SIGLECL1: variants seen among roughly 807,000 people sequenced by gnomAD.
SIGLECL1 encodes the protein SIGLEC family like 1.
A neutral mutation model predicts 19.1 loss-of-function variants in SIGLECL1; 16 were observed. The observed-to-expected ratio is 0.84, with a 90% CI of 0.57 to 1.27. The LOEUF (loss-of-function observed/expected upper bound fraction) is 1.27, where lower values mean the gene tolerates loss of function less well. Ranked by LOEUF, SIGLECL1 falls within the 50% of genes most tolerant of loss-of-function variation. The pLI is 0.00. For synonymous variants in SIGLECL1, 89 were observed against 90.4 expected (o/e 0.98, Z 0.09); for missense variants, 210 against 239.4 (o/e 0.88, Z 0.81).
chr19:51,267,634 T>C, intron 5 of SIGLECL1, 105 bp downstream of exon 5: 7 of 1,318,738 alleles, frequency 5.3e-6, no homozygotes, highest in African/African-American at 1.5e-5. Flanking sequence ...TCCTCAGTCT[T>C]GCAGGATACC....
intron 4 of SIGLECL1, 88 bp downstream of exon 4, chr19:51,265,970 C>A (rs1228440806): frequency 1.5e-6 from 2 of 1,314,862 alleles, no homozygotes; most frequent in Non-Finnish European, 2.2e-6. Flanking sequence ...AAAGACAGGA[C>A]CCCTCCCCTC....
intron 1 of SIGLECL1, among the ~76,000 whole-genome samples, chr19:51,263,536 C>G (rs1173624245): frequency 6.6e-5 from 10 of 152,044 alleles, no homozygotes; most frequent in Admixed American, 5.9e-4. Context: ...GTTTGGGAGG[C>G]CAAGGCGGGT....
At chr19:51,254,852 C>G (rs1982708195) in intron 1 of SIGLECL1, among the ~76,000 whole-genome samples, 1 of 152,006 alleles carries the variant, frequency 6.6e-6, no homozygotes, top group Admixed American at 6.6e-5. Context: ...GGTTAGCTAC[C>G]AGTAGACCCA....
At chr19:51,264,846 T>C (rs1339017468) in intron 2 of SIGLECL1, among the ~76,000 whole-genome samples, 1 of 152,150 alleles carries the variant, frequency 6.6e-6, no homozygotes, top group Admixed American at 6.5e-5. Flanking sequence ...ATTGAATGGG[T>C]AATACTTCAC....
intron 5 of SIGLECL1, 96 bp downstream of exon 5, chr19:51,267,625 C>T (rs1983778218): frequency 7.0e-7 from 1 of 1,428,516 alleles, no homozygotes; most frequent in Non-Finnish European, 9.6e-7. Context: ...GTGTTATCAT[C>T]CTCAGTCTTG....
intron 1 of SIGLECL1, among the ~76,000 whole-genome samples, chr19:51,256,983 ATAT>A (rs1337045321): frequency 4.6e-5 from 7 of 152,168 alleles, no homozygotes; most frequent in African/African-American, 1.4e-4. Context: ...ACATATTTAC[ATAT>A]TATATATATA....
In SIGLECL1 at chr19:51,265,866, T is replaced by C. The variant is rs148618426; in HGVS notation, c.394T>C (p.Cys132Arg). The stretch of plus-strand genomic sequence containing the variant: ...AATTGTAATTGCGCTGCTCTTCCTC[T>C]GCCTCCTCCCTCTCATGTGAGTACT... ...AGIVIALLFLCLLPLIVKHIR... is the reference protein window; with the variant it reads ...AGIVIALLFLRLLPLIVKHIR... The change falls in exon 4 of 6, where the codon TGC becomes CGC. Residue 132 changes from cysteine to arginine, a missense_variant. Transcript: ENST00000601727. 1 of 1,614,172 alleles carries C rather than the reference T, an allele frequency of 6.2e-7. No homozygotes were observed. The highest frequency in any genetic ancestry group is 8.5e-7 in the Non-Finnish European group (1 of 1,180,022).
chr19:51,263,044 G>T (rs1983350128), intron 1 of SIGLECL1, among the ~76,000 whole-genome samples: 1 of 152,126 alleles, frequency 6.6e-6, no homozygotes, highest in African/African-American at 2.4e-5. Flanking sequence ...GACTACAGGT[G>T]CGTACCACCA....
chr19:51,247,942 T>C (rs1194506025), upstream of SIGLECL1, among the ~76,000 whole-genome samples: 3 of 152,162 alleles, frequency 2.0e-5, no homozygotes, highest in Non-Finnish European at 4.4e-5. Context: ...TTCTTTGTTT[T>C]CCAAACTTTT....
intron 4 of SIGLECL1, 120 bp from the exon 5 acceptor site, chr19:51,267,253 T>C: frequency 2.4e-6 from 3 of 1,233,908 alleles, no homozygotes; most frequent in Non-Finnish European, 1.1e-6. Flanking sequence ...TTGCCCTAGG[T>C]CATACAGCAA....
chr19:51,256,986 TTATA>T (rs1384341094), intron 1 of SIGLECL1, among the ~76,000 whole-genome samples: 2 of 152,260 alleles, frequency 1.3e-5, no homozygotes, highest in East Asian at 1.9e-4. Flanking sequence ...TATTTACATA[TTATA>T]TATATAAAGC....
chr19:51,262,950 G>C (rs1313307871), intron 1 of SIGLECL1, among the ~76,000 whole-genome samples: 1 of 152,202 alleles, frequency 6.6e-6, no homozygotes, highest in Non-Finnish European at 1.5e-5. Flanking sequence ...CAAAGCTACA[G>C]TGCAGTGGCG....
intron 1 of SIGLECL1, among the ~76,000 whole-genome samples, chr19:51,257,365 CG>C (rs1982882184): frequency 6.6e-6 from 1 of 151,068 alleles, no homozygotes; most frequent in Non-Finnish European, 1.5e-5. Flanking sequence ...GTGAATGCTC[CG>C]TTGCACTCCA....
At position 51,268,622 on chromosome 19, in the gene SIGLECL1, G is replaced by A; in HGVS notation, c.*25G>A. Reference sequence around the variant, plus strand: ...AGCCTGTGGAACATGCCTCATACCTGGAGTCGCCATTATCCCTGGAATTAC... The same window carrying A: ...AGCCTGTGGAACATGCCTCATACCTAGAGTCGCCATTATCCCTGGAATTAC... On this transcript the variant is annotated 3_prime_UTR_variant, in exon 6 of 6. Coordinates refer to ENST00000601727, the MANE Select transcript of SIGLECL1 (RefSeq NM_001385465.1). 6.2e-7 allele frequency: 1 copy of A among 1,610,306 alleles called. No individual in the cohort carries two copies. The highest frequency in any genetic ancestry group is 8.5e-7 in the Non-Finnish European group (1 of 1,178,832).
At chr19:51,251,732 TCA>T in intron 1 of SIGLECL1, among the ~76,000 whole-genome samples, 187 bp downstream of exon 1, 1 of 152,364 alleles carries the variant, frequency 6.6e-6, no homozygotes, top group Middle Eastern at 3.4e-3. Flanking sequence ...CAGTCATTAC[TCA>T]CACAGTTATC....
At position 51,265,882 on chromosome 19, in the gene SIGLECL1, T is replaced by C; in HGVS notation, c.410T>C (p.Ile137Thr). 6.2e-7 allele frequency: 1 copy of C among 1,613,974 alleles called. No individual in the cohort carries two copies. Among genetic ancestry groups the C allele is most frequent in the Non-Finnish European group, 8.5e-7 (1 of 1,179,888 alleles). Reference sequence around the variant, plus strand: ...CTCTTCCTCTGCCTCCTCCCTCTCATGTGAGTACTAGGGTTAATATTCACC... The same window carrying C: ...CTCTTCCTCTGCCTCCTCCCTCTCACGTGAGTACTAGGGTTAATATTCACC... ...ALLFLCLLPL[I>T]VKHIRKKQAK... Residue 137 changes from isoleucine (I) to threonine (T), a missense_variant and splice_region_variant, in exon 4 of 6, where the codon ATA (isoleucine) becomes ACA (threonine). Transcript: ENST00000601727.
Position 51,265,454 on chromosome 19 carries a change from G to A in SIGLECL1, c.109G>A (p.Val37Met). 1.2e-6 allele frequency: 2 copies of A among 1,614,156 alleles called. No individual in the cohort carries two copies. The highest frequency in any genetic ancestry group is 1.1e-5 in the South Asian group (1 of 91,088). Reference sequence around the variant, plus strand: ...CTTCCATGGGATTCCCACACCCTCTGTGCAGTGGTGGATGGGAGGAGTCCC... The same window carrying A: ...CTTCCATGGGATTCCCACACCCTCTATGCAGTGGTGGATGGGAGGAGTCCC... ...CSFHGIPTPS[V>M]QWWMGGVPVG... The change falls in exon 3 of 6, where the codon GTG becomes ATG. Residue 37 changes from valine (V) to methionine (M), a missense_variant. Val to Met is a conservative substitution (Grantham distance 21). Coordinates refer to ENST00000601727, the MANE Select transcript of SIGLECL1 (RefSeq NM_001385465.1).
intron 1 of SIGLECL1, among the ~76,000 whole-genome samples, chr19:51,254,166 A>G (rs903004562): frequency 4.6e-5 from 7 of 152,016 alleles, no homozygotes; most frequent in African/African-American, 1.7e-4. Context: ...TCTACAGAAA[A>G]TATTTTTTTT....
rs551628391 is a variant in SIGLECL1 at position 51,265,865 on chromosome 19, C to G, written c.393C>G (p.Leu131=). ...GAATTGTAATTGCGCTGCTCTTCCT[C>G]TGCCTCCTCCCTCTCATGTGAGTAC... ...YAGIVIALLF[L]CLLPLIVKHI... The change falls in exon 4 of 6, where the codon CTC becomes CTG. Residue 131 remains leucine, a synonymous_variant. Coordinates refer to ENST00000601727, the MANE Select transcript of SIGLECL1 (RefSeq NM_001385465.1). 1.2e-6 allele frequency: 2 copies of G among 1,614,198 alleles called. No individual in the cohort carries two copies. The highest frequency in any genetic ancestry group is 4.5e-5 in the East Asian group (2 of 44,880).
Sources: gnomAD v4.1 joint callset for allele counts (sites outside exome capture counted in the v4.1 genomes callset) on GRCh38, gnomAD v4.1.1 for gene constraint, MANE v1.5 for transcripts, NCBI Gene and HGNC (gene_info 2026-07-23, HGNC 2026-07-21) for gene names.